Variants in HSD17B3 observed in about 807,000 individuals in gnomAD.
The protein encoded by HSD17B3 is 17-beta-hydroxysteroid dehydrogenase type 3.
A neutral mutation model predicts 41.1 loss-of-function variants in HSD17B3; 29 were observed. The observed-to-expected ratio is 0.71, with a 90% CI of 0.53 to 0.96. HSD17B3 has a LOEUF of 0.96. Among genes scored for constraint, HSD17B3 ranks in the 40% least tolerant of loss-of-function variants. The probability of loss-of-function intolerance (pLI) is 0.00; values close to 1 mark genes in which losing one functional copy is unlikely to be tolerated. For missense variants in HSD17B3, 323 were observed against 374.6 expected (o/e 0.86, Z 1.14); for synonymous variants, 126 against 145.6 (o/e 0.87, Z 0.97).
chr9:96,273,559 C>T (rs1484311516), intron 2 of HSD17B3, among the ~76,000 whole-genome samples: 5 of 152,238 alleles, frequency 3.3e-5, no homozygotes, highest in South Asian at 2.1e-4. Flanking sequence ...TCACAGATGC[C>T]GATCCAAGCC....
intron 2 of HSD17B3, among the ~76,000 whole-genome samples, chr9:96,283,507 T>C (rs529170229): frequency 6.6e-6 from 1 of 152,282 alleles, no homozygotes; most frequent in East Asian, 1.9e-4. Context: ...GGTATAAAAA[T>C]CATACAGGGA....
In HSD17B3 at chr9:96,286,869, A is replaced by G. The variant is rs1564058712; in HGVS notation, c.201+11547T>C. Among the ~76,000 whole-genome samples the G allele has an allele frequency of 2.0e-5, 3 of 152,212 alleles. No homozygotes were observed. In the South Asian group the frequency reaches 6.2e-4, roughly 32 times the overall value. On this transcript the variant is annotated intron_variant, in intron 2 of 10. Transcript: ENST00000375263. ...TAATCCACCCCTTGTTTAGCATATCATCAAGAAATAACCATAAAAGTGGGC... is the reference window on the plus strand; with the variant it reads ...TAATCCACCCCTTGTTTAGCATATCGTCAAGAAATAACCATAAAAGTGGGC...
chr9:96,293,957 C>T (rs1328148904), intron 2 of HSD17B3, among the ~76,000 whole-genome samples: 1 of 152,112 alleles, frequency 6.6e-6, no homozygotes, highest in Non-Finnish European at 1.5e-5. Context: ...CTGATCAATT[C>T]CCAACCTCAG....
chr9:96,262,567 T>C (rs1002265235), intron 2 of HSD17B3, among the ~76,000 whole-genome samples: 1 of 152,140 alleles, frequency 6.6e-6, no homozygotes, highest in South Asian at 2.1e-4. Context: ...TTAATTTCTT[T>C]ATACTTTCAA....
At chr9:96,252,601 A>G (rs1454546758) in intron 4 of HSD17B3, among the ~76,000 whole-genome samples, 1 of 152,040 alleles carries the variant, frequency 6.6e-6, no homozygotes, top group Non-Finnish European at 1.5e-5. Context: ...TATGTTTGAT[A>G]CATTCCAAAC....
chr9:96,279,125 C>T (rs1224335880), intron 2 of HSD17B3, among the ~76,000 whole-genome samples: 3 of 152,206 alleles, frequency 2.0e-5, no homozygotes, highest in Admixed American at 2.0e-4. Flanking sequence ...AGATATTACA[C>T]CTGTAAATCA....
rs190223216 is a variant in HSD17B3 at position 96,286,609 on chromosome 9, G to C, written c.201+11807C>G. On this transcript the variant is annotated intron_variant, in intron 2 of 10. Coordinates refer to ENST00000375263, the MANE Select transcript of HSD17B3 (RefSeq NM_000197.2). The stretch of plus-strand genomic sequence containing the variant: ...GGAGGCTGAGGCAGGAAAATTGCTT[G>C]AACCCAGGAGGCAGAGGCTGCAGTG... 2.8e-3 allele frequency among the ~76,000 whole-genome samples: 419 copies of C among 151,304 alleles called. 1 individual carries two copies. The highest frequency in any genetic ancestry group is 4.5e-3 in the Admixed American group (69 of 15,196).
chr9:96,246,537 T>C lies in HSD17B3; in HGVS notation c.524+19A>G. The C allele has an allele frequency of 6.2e-7, 1 of 1,613,696 alleles. No homozygotes were observed. The highest frequency in any genetic ancestry group is 1.3e-5 in the African/African-American group (1 of 75,036). ...CAGGGAGGCCATGTTGCTCCACACT[T>C]TTTTGAAGAAGGCCTTACCTTGATT... On this transcript the variant is annotated intron_variant, in intron 7 of 10. Coordinates refer to ENST00000375263, the MANE Select transcript of HSD17B3 (RefSeq NM_000197.2).
chr9:96,259,173 G>A (rs1267444652), intron 2 of HSD17B3, among the ~76,000 whole-genome samples: 1 of 152,184 alleles, frequency 6.6e-6, no homozygotes, highest in Non-Finnish European at 1.5e-5. Flanking sequence ...GTGTCAAGGA[G>A]CCTGGCAAGC....
intron 2 of HSD17B3, among the ~76,000 whole-genome samples, chr9:96,271,205 G>T (rs1055341358): frequency 3.0e-4 from 46 of 152,248 alleles, no homozygotes; most frequent in African/African-American, 1.1e-3. Flanking sequence ...GGGATATCCT[G>T]AAACCATTAA....
At chr9:96,289,889 T>C (rs1055685451) in intron 2 of HSD17B3, among the ~76,000 whole-genome samples, 2 of 152,106 alleles carry the variant, frequency 1.3e-5, no homozygotes, top group Non-Finnish European at 2.9e-5. Context: ...CGGGGCCCCA[T>C]CCTGATGCAG....
At chr9:96,286,115 G>A (rs956829821) in intron 2 of HSD17B3, among the ~76,000 whole-genome samples, 2 of 151,818 alleles carry the variant, frequency 1.3e-5, no homozygotes, top group African/African-American at 2.4e-5. Context: ...AGGCCAAGGC[G>A]GGCAGATCAC....
chr9:96,297,950 G>A, intron 2 of HSD17B3, among the ~76,000 whole-genome samples: 1 of 152,120 alleles, frequency 6.6e-6, no homozygotes, highest in Non-Finnish European at 1.5e-5. Flanking sequence ...GTGACTCTCA[G>A]TTCTATTAGA....
intron 2 of HSD17B3, among the ~76,000 whole-genome samples, chr9:96,292,678 T>C (rs1169971632): frequency 6.6e-6 from 1 of 152,198 alleles, no homozygotes; most frequent in South Asian, 2.1e-4. Flanking sequence ...AACCTACAGA[T>C]TCAAGAGGCT....
intron 2 of HSD17B3, among the ~76,000 whole-genome samples, chr9:96,272,930 A>C (rs2130764931): frequency 6.6e-6 from 1 of 152,290 alleles, no homozygotes; most frequent in Non-Finnish European, 1.5e-5. Flanking sequence ...TCTCCAGAAA[A>C]TTATGCTAGG....
intron 10 of HSD17B3, among the ~76,000 whole-genome samples, chr9:96,237,827 G>GAAT (rs1469730668): frequency 1.3e-5 from 2 of 152,158 alleles, no homozygotes; most frequent in Admixed American, 6.5e-5. Context: ...AAATTAAAAG[G>GAAT]AAAGGTCAAG....
chr9:96,302,045 G>A lies in HSD17B3; in HGVS notation c.60C>T (p.Cys20=), dbSNP rs760426847. ...ILTGLLVCLA[C]LAKCVRFSRC... is the part of the protein sequence containing the mutation. ...TGGAGAATCTCACGCACTTCGCCAG[G>A]CAGGCCAGGCACACCAGCAGCCCTG... Residue 20 remains cysteine, a synonymous_variant, in exon 1 of 11, where the codon TGC becomes TGT. Coordinates refer to ENST00000375263, the MANE Select transcript of HSD17B3 (RefSeq NM_000197.2). 6.2e-7 allele frequency: 1 copy of A among 1,614,042 alleles called. No individual in the cohort carries two copies. Among genetic ancestry groups the A allele is most frequent in the Non-Finnish European group, 8.5e-7 (1 of 1,179,962 alleles).
At chr9:96,274,122 A>C (rs1169912141) in intron 2 of HSD17B3, among the ~76,000 whole-genome samples, 1 of 152,258 alleles carries the variant, frequency 6.6e-6, no homozygotes, top group Non-Finnish European at 1.5e-5. Flanking sequence ...TAATTGTTTT[A>C]AAGAAGATCA....
chr9:96,279,134 C>A (rs1220211910), intron 2 of HSD17B3, among the ~76,000 whole-genome samples: 1 of 152,168 alleles, frequency 6.6e-6, no homozygotes, highest in Non-Finnish European at 1.5e-5. Context: ...ACCTGTAAAT[C>A]AAAAAGTGTC....
Sources: gnomAD v4.1 joint callset for allele counts (sites outside exome capture counted in the v4.1 genomes callset) on GRCh38, gnomAD v4.1.1 for gene constraint, MANE v1.5 for transcripts, NCBI Gene and HGNC (gene_info 2026-07-23, HGNC 2026-07-21) for gene names.